Variants in GPD2 observed in about 807,000 individuals in gnomAD.
GPD2 encodes glycerol-3-phosphate dehydrogenase 2, also known as glycerol-3-phosphate dehydrogenase, mitochondrial.
GPD2 carries 54 observed loss-of-function variants against 82.4 expected under a neutral mutation model. The observed-to-expected ratio is 0.66, with a 90% CI of 0.53 to 0.82. The LOEUF is 0.82. Ranked by LOEUF, GPD2 falls within the 40% of genes least tolerant of loss-of-function variation. The pLI is 0.00. For synonymous variants in GPD2, 288 were observed against 306.1 expected (o/e 0.94, Z 0.62); for missense variants, 748 against 896.2 (o/e 0.83, Z 2.11).
At chr2:156,515,245 A>G (rs1685156255) in intron 6 of GPD2, among the ~76,000 whole-genome samples, 1 of 152,102 alleles carries the variant, frequency 6.6e-6, no homozygotes, top group South Asian at 2.1e-4. Flanking sequence ...TACTAAAAAT[A>G]CAAGAAATTA....
At chr2:156,423,105 C>T in the GPD2 span, among the ~76,000 whole-genome samples, 3 of 152,130 alleles carry the variant, frequency 2.0e-5, no homozygotes, top group Admixed American at 2.0e-4. Flanking sequence ...GATGAGGAGA[C>T]TGATGCTCAG....
chr2:156,476,051 A>G (rs887632030), intron 1 of GPD2, 47 bp from the exon 2 acceptor site: 13 of 935,244 alleles, frequency 1.4e-5, no homozygotes, highest in Non-Finnish European at 2.0e-5. Context: ...TGGTTATGCG[A>G]TAACTATCCC....
rs1682182390 is a variant in GPD2 at position 156,441,696 on chromosome 2, A to G, written c.-9+5183A>G. 2.0e-5 allele frequency among the ~76,000 whole-genome samples: 3 copies of G among 152,164 alleles called. No individual in the cohort carries two copies. In the South Asian group the frequency reaches 6.2e-4, roughly 32 times the overall value. ...AAGTGTGGATATCCCGGGGCCCACTATTTTTGACTGGCATCTGAAGTGGAG... is the reference window on the plus strand; with the variant it reads ...AAGTGTGGATATCCCGGGGCCCACTGTTTTTGACTGGCATCTGAAGTGGAG... On this transcript the variant is annotated intron_variant, in intron 1 of 16. Coordinates refer to ENST00000438166, the MANE Select transcript of GPD2 (RefSeq NM_000408.5).
intron 1 of GPD2, among the ~76,000 whole-genome samples, chr2:156,468,677 ATTTATT>A (rs1683225415): frequency 1.3e-5 from 2 of 152,150 alleles, no homozygotes; most frequent in East Asian, 1.9e-4. Flanking sequence ...GATCGCTTTT[ATTTATT>A]TTTAATTTCT....
intron 9 of GPD2, among the ~76,000 whole-genome samples, chr2:156,561,656 T>C (rs189365910): frequency 1.3e-5 from 2 of 152,310 alleles, no homozygotes; most frequent in Admixed American, 1.3e-4. Context: ...ATTTAAAAAA[T>C]AAAATTTCAT....
chr2:156,447,540 G>T (rs1682411132), intron 1 of GPD2, among the ~76,000 whole-genome samples: 1 of 152,024 alleles, frequency 6.6e-6, no homozygotes, highest in Non-Finnish European at 1.5e-5. Flanking sequence ...TTGCCATGTG[G>T]CCCAGGCTGG....
intron 4 of GPD2, among the ~76,000 whole-genome samples, chr2:156,511,852 T>C (rs776089181): frequency 3.3e-5 from 5 of 152,212 alleles, no homozygotes; most frequent in Non-Finnish European, 5.9e-5. Context: ...TGGAAACTTT[T>C]AGCATGAATT....
upstream of GPD2, among the ~76,000 whole-genome samples, chr2:156,434,437 A>C (rs1381274909): frequency 6.6e-6 from 1 of 152,156 alleles, no homozygotes; most frequent in Admixed American, 6.5e-5. Flanking sequence ...AAGAAGAGGC[A>C]GTTTCTAAAT....
the GPD2 span, among the ~76,000 whole-genome samples, chr2:156,401,180 C>T: frequency 2.0e-5 from 3 of 152,124 alleles, no homozygotes; most frequent in Admixed American, 2.0e-4. Context: ...GGGCCTCCCG[C>T]GTGGCAGGCG....
intron 1 of GPD2, among the ~76,000 whole-genome samples, chr2:156,461,250 C>G (rs1682978377): frequency 6.7e-6 from 1 of 149,362 alleles, no homozygotes; most frequent in Non-Finnish European, 1.5e-5. Context: ...CTCGCTGTAG[C>G]CTTGACCTTC....
At chr2:156,478,827 T>C (rs1276291464) in intron 2 of GPD2, among the ~76,000 whole-genome samples, 1 of 152,248 alleles carries the variant, frequency 6.6e-6, no homozygotes, top group Non-Finnish European at 1.5e-5. Flanking sequence ...TGTATTTTTG[T>C]ATTTTTTCTA....
At chr2:156,497,142 C>G (rs1684414955) in intron 3 of GPD2, among the ~76,000 whole-genome samples, 1 of 152,130 alleles carries the variant, frequency 6.6e-6, no homozygotes, top group Non-Finnish European at 1.5e-5. Context: ...CCTGGCTTAA[C>G]TTCTTTAACA....
intron 6 of GPD2, among the ~76,000 whole-genome samples, chr2:156,536,446 A>G (rs1263720386): frequency 6.6e-6 from 1 of 152,234 alleles, no homozygotes; most frequent in Non-Finnish European, 1.5e-5. Flanking sequence ...TCAAAAAGTA[A>G]AATTGCCTTT....
At chr2:156,495,971 T>C (rs1684356291) in intron 2 of GPD2, 73 bp from the exon 3 acceptor site, 1 of 1,113,794 alleles carries the variant, frequency 9.0e-7, no homozygotes, top group Non-Finnish European at 1.4e-6. Context: ...AGAAATTTCC[T>C]TTTAGTATAT....
intron 6 of GPD2, among the ~76,000 whole-genome samples, chr2:156,534,094 A>G (rs1309395944): frequency 1.3e-5 from 2 of 152,162 alleles, no homozygotes; most frequent in Non-Finnish European, 2.9e-5. Context: ...TCTTATTTCC[A>G]GGTGGAGGTG....
At chr2:156,568,996 T>C (rs534635322) in intron 10 of GPD2, 37 bp downstream of exon 10, 1 of 1,567,722 alleles carries the variant, frequency 6.4e-7, no homozygotes, top group Middle Eastern at 1.8e-4. Context: ...TTTTCTTTTT[T>C]TTTTTTTTTT....
intron 6 of GPD2, among the ~76,000 whole-genome samples, chr2:156,540,437 G>A (rs1451211449): frequency 6.6e-6 from 1 of 152,188 alleles, no homozygotes; most frequent in Admixed American, 6.5e-5. Flanking sequence ...TTTCTGCAAA[G>A]CTTACAAGAT....
chr2:156,495,892 AG>A (rs1246478262), intron 2 of GPD2, 151 bp from the exon 3 acceptor site: 4 of 631,680 alleles, frequency 6.3e-6, no homozygotes, highest in Non-Finnish European at 8.5e-6. Context: ...TTTTCCCCCA[AG>A]GCAGTTGGTC....
chr2:156,575,676 G>T (rs1420399274), intron 13 of GPD2, among the ~76,000 whole-genome samples: 2 of 151,980 alleles, frequency 1.3e-5, no homozygotes, highest in East Asian at 3.9e-4. Flanking sequence ...AAAGTGCTGG[G>T]ATCACAGGCA....
Sources: allele counts gnomAD v4.1 joint callset (sites outside exome capture counted in the v4.1 genomes callset), GRCh38; gene constraint gnomAD v4.1.1; transcripts MANE v1.5; gene names NCBI Gene and HGNC (gene_info 2026-07-23, HGNC 2026-07-21).